ANXA4: variants seen among roughly 807,000 people sequenced by gnomAD.
ANXA4 encodes the protein 35-beta calcimedin.
ANXA4 carries 39 observed loss-of-function variants against 49.8 expected under a neutral mutation model. The ratio of observed to expected loss-of-function variants is 0.78; its 90% CI spans 0.61 to 1.02. ANXA4 has a LOEUF of 1.02. Among genes scored for constraint, ANXA4 ranks in the 50% least tolerant of loss-of-function variants. The pLI is 0.00. For missense variants in ANXA4, 360 were observed against 410.1 expected (o/e 0.88, Z 1.05); for synonymous variants, 134 against 152.5 (o/e 0.88, Z 0.89).
At chr2:69,710,637 A>G (rs1220012245) in intron 2 of ANXA4, among the ~76,000 whole-genome samples, 2 of 152,242 alleles carry the variant, frequency 1.3e-5, no homozygotes, top group East Asian at 1.9e-4. Flanking sequence ...CAATTTTTCA[A>G]TGGGTAAAAA....
chr2:69,788,992 G>A (rs921809973), intron 3 of ANXA4, among the ~76,000 whole-genome samples: 2 of 152,102 alleles, frequency 1.3e-5, no homozygotes, highest in Non-Finnish European at 1.5e-5. Flanking sequence ...CTTTAATAAA[G>A]AATGATAAAT....
upstream of ANXA4, chr2:69,644,011 C>A: frequency 4.1e-6 from 2 of 488,464 alleles, no homozygotes; most frequent in Non-Finnish European, 5.5e-6. Context: ...CACAGTCCGG[C>A]TGCTGGACTA....
chr2:69,819,476 CTAA>C (rs1323416724), intron 11 of ANXA4, 138 bp downstream of exon 11: 8 of 631,888 alleles, frequency 1.3e-5, no homozygotes, highest in East Asian at 1.1e-4. Context: ...TGAGTGCCTG[CTAA>C]TAATAATACT....
At chr2:69,673,687 GACACAC>G (rs72114703) in intron 2 of ANXA4, among the ~76,000 whole-genome samples, 2,755 of 139,138 alleles carry the variant, frequency 0.02, 89 homozygotes, top group African/African-American at 0.064. Context: ...TTTTTTCAAA[GACACAC>G]ACACACACAC....
intron 3 of ANXA4, among the ~76,000 whole-genome samples, chr2:69,728,969 T>G (rs1176310134): frequency 6.6e-6 from 1 of 152,220 alleles, no homozygotes; most frequent in Non-Finnish European, 1.5e-5. Flanking sequence ...TTTACCATAT[T>G]AAATCATAAG....
At position 69,781,543 on chromosome 2, in the gene ANXA4, A is replaced by G. The variant is rs1200976328; in HGVS notation, c.-23A>G. 3 of 1,613,964 alleles carry G rather than the reference A, an allele frequency of 1.9e-6. No homozygotes were observed. The Admixed American group carries it at 5.0e-5, about 27-fold the overall frequency. On this transcript the variant is annotated 5_prime_UTR_variant, in exon 2 of 13. Transcript: ENST00000394295. The stretch of plus-strand genomic sequence containing the variant: ...AGAAGAACTTCTGCTTGGGTGGCTG[A>G]ACTCTGATCTTGACCTAGAGTCATG...
intron 3 of ANXA4, among the ~76,000 whole-genome samples, chr2:69,728,603 C>G (rs960226356): frequency 2.6e-5 from 4 of 152,184 alleles, no homozygotes; most frequent in Admixed American, 6.5e-5. Flanking sequence ...TCCAACTGAT[C>G]TAGCATCATT....
chr2:69,795,210 A>G (rs932062020), intron 3 of ANXA4, among the ~76,000 whole-genome samples: 7 of 152,208 alleles, frequency 4.6e-5, no homozygotes, highest in African/African-American at 7.2e-5. Flanking sequence ...GTCCTTTGAC[A>G]GTGCTTGTCC....
Position 69,815,908 on chromosome 2 carries a change from G to A in ANXA4, c.535-193G>A, listed in dbSNP as rs59520327. The stretch of plus-strand genomic sequence containing the variant: ...AGTGTTTGCCCTGACTCCCAGGGGG[G>A]TATGACAGGGTCCCAACAGCCTTAT... On this transcript the variant is annotated intron_variant, in intron 8 of 12. Transcript: ENST00000394295. 1.9e-3 allele frequency: 1,092 copies of A among 567,356 alleles called. 11 individuals are homozygous for A. Among genetic ancestry groups the A allele is most frequent in the African/African-American group, 0.019 (1,016 of 53,418 alleles). 35.1% of individuals were successfully genotyped at this position (567,356 alleles called of 1,614,324 possible). A position where few individuals can be genotyped will look rare whatever the true frequency, so the allele number is the denominator to read the frequency against.
rs1022373961 is a variant in ANXA4 at position 69,772,741 on chromosome 2, A to G, written c.-46-8779A>G. Among the ~76,000 whole-genome samples the G allele has an allele frequency of 3.9e-5, 6 of 152,216 alleles. No individual in the cohort carries two copies. In the East Asian group the frequency reaches 5.8e-4, roughly 15 times the overall value. On this transcript the variant is annotated intron_variant, in intron 1 of 12. Coordinates refer to ENST00000394295, the MANE Select transcript of ANXA4 (RefSeq NM_001153.5). ...CTATTTAGAAATCTGTTTGGTGGCC[A>G]GGCGCAGTGGCTCACACCTGTAATC...
rs1240570888 is a variant in ANXA4, at chr2:69,756,931, A to ATTT, written c.-47+14758_-47+14759insTTT. Among the ~76,000 whole-genome samples, 105 of 109,432 alleles carry ATTT rather than the reference A, an allele frequency of 9.6e-4. 1 individual carries two copies. Among genetic ancestry groups the ATTT allele is most frequent in the Admixed American group, 4.2e-3 (39 of 9,282 alleles). The allele number at this position is 109,432 out of a possible 152,430, so 71.8% of individuals were successfully genotyped here. ...TACTTATTAAATTAATTAATTAATT[A>ATTT]TTATTTTTTTTTTTTAGACAGAGTC... On this transcript the variant is annotated intron_variant, in intron 1 of 12. Coordinates refer to ENST00000394295, the MANE Select transcript of ANXA4 (RefSeq NM_001153.5).
chr2:69,790,169 T>G (rs1672621639), intron 3 of ANXA4, among the ~76,000 whole-genome samples: 1 of 152,188 alleles, frequency 6.6e-6, no homozygotes. Flanking sequence ...AAGGAAAGTT[T>G]TCTGCTGGGG....
chr2:69,825,280 C>CTTT (rs927840173), intron 12 of ANXA4, among the ~76,000 whole-genome samples, 176 bp from the exon 13 acceptor site: 5 of 151,944 alleles, frequency 3.3e-5, no homozygotes, highest in Admixed American at 2.0e-4. Context: ...TTTTTGTGTT[C>CTTT]TTTTTTGTCT....
upstream of ANXA4, among the ~76,000 whole-genome samples, chr2:69,740,853 A>AT (rs1351976946): frequency 1.9e-4 from 16 of 84,304 alleles, no homozygotes; most frequent in African/African-American, 7.5e-4. Flanking sequence ...GGCTATATAT[A>AT]TGTTTTTTTT....
chr2:69,669,689 A>G (rs1677088213), intron 2 of ANXA4, among the ~76,000 whole-genome samples: 2 of 152,050 alleles, frequency 1.3e-5, no homozygotes, highest in South Asian at 2.1e-4. Context: ...TGTACCTTCT[A>G]TATTCTTTAT....
chr2:69,649,924 A>ATTTTTTTTTTTTT (rs35212855), intron 1 of ANXA4, among the ~76,000 whole-genome samples: 1 of 52,014 alleles, frequency 1.9e-5, no homozygotes, highest in Non-Finnish European at 3.1e-5. Flanking sequence ...GCCTGGCCTG[A>ATTTTTTTTTTTTT]TTTTTTTTTT....
At position 69,823,560 on chromosome 2, in the gene ANXA4, G is replaced by A. The variant is rs972319657; in HGVS notation, c.907-1896G>A. The stretch of plus-strand genomic sequence containing the variant: ...AAAGCGGACATACAAGAAAGAAAGC[G>A]GAGATTATGCTATTAATAAAAAGAA... On this transcript the variant is annotated intron_variant, in intron 12 of 12. Coordinates refer to ENST00000394295, the MANE Select transcript of ANXA4 (RefSeq NM_001153.5). 4.6e-5 allele frequency among the ~76,000 whole-genome samples: 7 copies of A among 152,098 alleles called. No individual in the cohort carries two copies. In the South Asian group the frequency reaches 8.3e-4, roughly 18 times the overall value.
intron 1 of ANXA4, among the ~76,000 whole-genome samples, chr2:69,743,855 G>C (rs887905869): frequency 6.6e-6 from 1 of 152,148 alleles, no homozygotes; most frequent in Non-Finnish European, 1.5e-5. Context: ...AGAGTAACCC[G>C]CACAGTCAAG....
chr2:69,819,979 A>C (rs763522905), intron 11 of ANXA4, among the ~76,000 whole-genome samples: 11 of 151,928 alleles, frequency 7.2e-5, no homozygotes, highest in Non-Finnish European at 1.5e-4. Context: ...GAGGCAGGAG[A>C]ATCACTGGAA....
Sources: gnomAD v4.1 joint callset for allele counts (sites outside exome capture counted in the v4.1 genomes callset) on GRCh38, gnomAD v4.1.1 for gene constraint, MANE v1.5 for transcripts, NCBI Gene and HGNC (gene_info 2026-07-23, HGNC 2026-07-21) for gene names.